The following LRRC37A variants were observed in gnomAD, a reference collection of about 807,000 sequenced individuals.
The protein encoded by LRRC37A is leucine-rich repeat-containing protein 37A.
In LRRC37A, 3 loss-of-function variants were observed where a neutral mutation model predicts 35.4. The ratio of observed to expected loss-of-function variants is 0.08; its 90% CI spans 0.04 to 0.22. The LOEUF (loss-of-function observed/expected upper bound fraction) is 0.22, where lower values mean the gene tolerates loss of function less well. Among genes scored for constraint, LRRC37A ranks in the 10% least tolerant of loss-of-function variants. LRRC37A has a pLI of 1.00. For missense variants in LRRC37A, 67 were observed against 565.3 expected (o/e 0.12, Z 8.94); for synonymous variants, 23 against 215.0 (o/e 0.11, Z 7.81).
At chr17:46,255,988 T>C in the LRRC37A span, among the ~76,000 whole-genome samples, 1 of 152,122 alleles carries the variant, frequency 6.6e-6, no homozygotes, top group Non-Finnish European at 1.5e-5. Flanking sequence ...GCCCCCAAAT[T>C]CTTATGTTGA....
the LRRC37A span, among the ~76,000 whole-genome samples, chr17:46,258,707 C>CTTTTTTTTTTTTT: frequency 1.1e-4 from 9 of 81,088 alleles, no homozygotes; most frequent in Non-Finnish European, 1.9e-4. Flanking sequence ...GACTATTATT[C>CTTTTTTTTTTTTT]TTTTTTTTTT....
At chr17:46,291,832 G>T (rs371711539), upstream of LRRC37A, among the ~76,000 whole-genome samples, 4 of 152,120 alleles carry the variant, frequency 2.6e-5, no homozygotes, top group African/African-American at 9.6e-5. Flanking sequence ...GGCATGGCAC[G>T]CGCCTGTAGT....
chr17:46,261,212 T>G, the LRRC37A span, among the ~76,000 whole-genome samples: 1 of 152,004 alleles, frequency 6.6e-6, no homozygotes, highest in South Asian at 2.1e-4. Context: ...CCTATGGAAA[T>G]AAAAATTTTT....
the LRRC37A span, among the ~76,000 whole-genome samples, chr17:46,251,404 A>G: frequency 5.3e-5 from 8 of 151,980 alleles, no homozygotes; most frequent in South Asian, 2.1e-4. Flanking sequence ...GATTATGGGC[A>G]TGCACCATCA....
At chr17:46,265,469 T>TCCCCCTCCTCCTCCTCC in the LRRC37A span, among the ~76,000 whole-genome samples, 13 of 150,300 alleles carry the variant, frequency 8.6e-5, no homozygotes, top group Admixed American at 4.1e-4. Flanking sequence ...CTCCTCTTCC[T>TCCCCCTCCTCCTCCTCC]TCTTCTTCTT....
chr17:46,253,263 A>T, the LRRC37A span, among the ~76,000 whole-genome samples: 1 of 145,442 alleles, frequency 6.9e-6, no homozygotes, highest in Non-Finnish European at 1.5e-5. Context: ...CACTTCCTAG[A>T]TGGGATGGCG....
chr17:46,270,973 T>C, the LRRC37A span, among the ~76,000 whole-genome samples: 1 of 152,248 alleles, frequency 6.6e-6, no homozygotes, highest in Non-Finnish European at 1.5e-5. Context: ...TCAAGTGGTA[T>C]AATCTTCTAA....
chr17:46,249,129 C>T, the LRRC37A span, among the ~76,000 whole-genome samples: 1 of 152,090 alleles, frequency 6.6e-6, no homozygotes, highest in East Asian at 1.9e-4. Context: ...TTGGTGTCGG[C>T]AGGGGGTCCT....
the LRRC37A span, among the ~76,000 whole-genome samples, chr17:46,267,893 C>CTTTT: frequency 1.2e-4 from 11 of 89,250 alleles, no homozygotes; most frequent in Admixed American, 2.3e-4. Flanking sequence ...ACTCCCACAT[C>CTTTT]TTTTTTTTTT....
chr17:46,290,541 G>A (rs1305594122), upstream of LRRC37A, among the ~76,000 whole-genome samples: 1 of 152,174 alleles, frequency 6.6e-6, no homozygotes, highest in East Asian at 1.9e-4. Context: ...CCGCCTTCTG[G>A]GTTCAAGTGA....
the LRRC37A span, among the ~76,000 whole-genome samples, chr17:46,276,791 T>TTTTC: frequency 0.13 from 17,843 of 137,990 alleles, 1 homozygote; most frequent in Middle Eastern, 0.19. Flanking sequence ...TCTTTTTTTC[T>TTTTC]TTTTTTTTTT....
At chr17:46,279,127 T>C in the LRRC37A span, among the ~76,000 whole-genome samples, 1 of 152,114 alleles carries the variant, frequency 6.6e-6, no homozygotes, top group Non-Finnish European at 1.5e-5. Flanking sequence ...ATTACGACAA[T>C]GTAAATATTT....
chr17:46,259,017 C>CTTTTTT, the LRRC37A span, among the ~76,000 whole-genome samples: 4 of 25,032 alleles, frequency 1.6e-4, no homozygotes, highest in South Asian at 1.2e-3. Context: ...CGCACCCGGC[C>CTTTTTT]TATTTTTTTT....
the LRRC37A span, among the ~76,000 whole-genome samples, chr17:46,261,824 A>T: frequency 6.6e-6 from 1 of 152,236 alleles, no homozygotes; most frequent in Non-Finnish European, 1.5e-5. Context: ...ATACTTATGC[A>T]GGTATTCATT....
chr17:46,266,284 C>T, the LRRC37A span, among the ~76,000 whole-genome samples: 4 of 152,328 alleles, frequency 2.6e-5, no homozygotes, highest in East Asian at 7.7e-4. Context: ...CCTTATTCTC[C>T]GCACTTGTCA....
At chr17:46,259,087 A>G in the LRRC37A span, among the ~76,000 whole-genome samples, 9 of 141,818 alleles carry the variant, frequency 6.3e-5, no homozygotes, top group African/African-American at 2.4e-4. Context: ...TACAACCAGC[A>G]TAGAAAGACC....
the LRRC37A span, chr17:46,268,799 C>A: frequency 3.6e-6 from 3 of 825,070 alleles, no homozygotes; most frequent in African/African-American, 3.9e-5. Context: ...CCCAAAGCTA[C>A]TCTATGAATG....
chr17:46,288,351 C>T (rs1187716376), upstream of LRRC37A, among the ~76,000 whole-genome samples: 1 of 149,492 alleles, frequency 6.7e-6, no homozygotes, highest in Non-Finnish European at 1.5e-5. Context: ...CTCTGTCTCC[C>T]AGGCTGGAGT....
chr17:46,282,581 A>AT, the LRRC37A span, among the ~76,000 whole-genome samples: 15,206 of 136,880 alleles, frequency 0.11, 4 homozygotes, highest in Middle Eastern at 0.17. Flanking sequence ...AGCCTGGTTA[A>AT]TTTTTTTTTT....
Sources: allele counts gnomAD v4.1 joint callset (sites outside exome capture counted in the v4.1 genomes callset), GRCh38; gene constraint gnomAD v4.1.1; transcripts MANE v1.5; gene names NCBI Gene and HGNC (gene_info 2026-07-23, HGNC 2026-07-21).